Variants in PRELID2 observed in about 807,000 individuals in gnomAD.
PRELID2 encodes the protein PRELI domain-containing protein 2.
Under a neutral mutation model 28.4 loss-of-function variants are expected in PRELID2, and 25 were observed. The ratio of observed to expected loss-of-function variants is 0.88; its 90% CI spans 0.64 to 1.23. The LOEUF is 1.23. Among genes scored for constraint, PRELID2 ranks in the 50% most tolerant of loss-of-function variants. PRELID2 has a pLI of 0.00. For synonymous variants in PRELID2, 76 were observed against 71.6 expected (o/e 1.06, Z -0.31); for missense variants, 201 against 214.4 (o/e 0.94, Z 0.39).
At chr5:145,806,453 T>G (rs1271322272) in intron 4 of PRELID2, among the ~76,000 whole-genome samples, 1 of 152,190 alleles carries the variant, frequency 6.6e-6, no homozygotes, top group African/African-American at 2.4e-5. Flanking sequence ...ATAACACACA[T>G]GAAGCTGCCA....
At chr5:145,286,681 A>C in the PRELID2 span, among the ~76,000 whole-genome samples, 2 of 151,084 alleles carry the variant, frequency 1.3e-5, no homozygotes, top group Non-Finnish European at 2.9e-5. Flanking sequence ...ATGAGATTTG[A>C]CTGCCAACAT....
chr5:145,574,094 C>T (rs920781492), intron 1 of PRELID2, among the ~76,000 whole-genome samples: 46 of 152,094 alleles, frequency 3.0e-4, no homozygotes, highest in Non-Finnish European at 7.4e-5. Flanking sequence ...CCAATGCAAT[C>T]ACAGGATCCT....
intron 1 of PRELID2, among the ~76,000 whole-genome samples, chr5:145,556,662 G>A (rs1752882320): frequency 6.6e-6 from 1 of 152,088 alleles, no homozygotes; most frequent in Non-Finnish European, 1.5e-5. Flanking sequence ...ATTGCATTTG[G>A]TATAAAGATC....
chr5:145,503,750 C>T (rs1752380683), intron 1 of PRELID2, among the ~76,000 whole-genome samples: 1 of 152,112 alleles, frequency 6.6e-6, no homozygotes, highest in Non-Finnish European at 1.5e-5. Context: ...GACTTTGCAG[C>T]TTTTAATATG....
intron 1 of PRELID2, among the ~76,000 whole-genome samples, chr5:145,649,516 T>G (rs527687386): frequency 6.6e-6 from 1 of 152,306 alleles, no homozygotes; most frequent in East Asian, 1.9e-4. Context: ...TTTATGATAT[T>G]TTTAACTTAT....
At chr5:145,229,300 G>A in the PRELID2 span, 1 of 749,216 alleles carries the variant, frequency 1.3e-6, no homozygotes, top group Non-Finnish European at 2.5e-6. Flanking sequence ...GTGACCTGAT[G>A]GAATATGCAA....
chr5:145,648,276 A>C (rs1168361671), intron 1 of PRELID2, among the ~76,000 whole-genome samples: 1 of 152,192 alleles, frequency 6.6e-6, no homozygotes, highest in East Asian at 1.9e-4. Context: ...AAATGCTGGA[A>C]GTTTTTAAAG....
intron 4 of PRELID2, among the ~76,000 whole-genome samples, chr5:145,799,042 A>ATATATATATATATATATATAT (rs1752957457): frequency 6.6e-6 from 1 of 150,382 alleles, no homozygotes; most frequent in African/African-American, 2.4e-5. Flanking sequence ...ATATATATAT[A>ATATATATATATATATATATAT]AAAGACTCAC....
intron 1 of PRELID2, among the ~76,000 whole-genome samples, chr5:145,594,414 T>C (rs931339559): frequency 2.6e-5 from 4 of 152,172 alleles, no homozygotes; most frequent in African/African-American, 9.7e-5. Context: ...TTTTTACTAA[T>C]TATAGAAATG....
At chr5:145,672,531 G>A (rs1366672188) in intron 1 of PRELID2, among the ~76,000 whole-genome samples, 1 of 149,210 alleles carries the variant, frequency 6.7e-6, no homozygotes, top group Non-Finnish European at 1.5e-5. Context: ...CACTTCAAAT[G>A]ATGAGAGCCT....
At chr5:145,704,997 G>A (rs1247955128) in intron 1 of PRELID2, among the ~76,000 whole-genome samples, 1 of 152,156 alleles carries the variant, frequency 6.6e-6, no homozygotes, top group Non-Finnish European at 1.5e-5. Flanking sequence ...TATTTTTAAA[G>A]TCAGTCTTTC....
At chr5:145,709,385 T>A (rs941722227) in intron 1 of PRELID2, among the ~76,000 whole-genome samples, 3 of 152,106 alleles carry the variant, frequency 2.0e-5, no homozygotes, top group African/African-American at 7.2e-5. Context: ...ACTTGTGGAG[T>A]TTCTGACTTT....
At chr5:145,397,249 C>G in the PRELID2 span, among the ~76,000 whole-genome samples, 11 of 152,098 alleles carry the variant, frequency 7.2e-5, no homozygotes, top group African/African-American at 2.4e-4. Flanking sequence ...CAGATGACTT[C>G]AGACATTTCA....
rs76563473 is a variant in PRELID2 at position 145,678,138 on chromosome 5, G to C, written n.70+86793C>G. On this transcript the variant is annotated intron_variant and non_coding_transcript_variant, in intron 1 of 2. Coordinates refer to the PRELID2 transcript ENST00000510259. Reference sequence around the variant, plus strand: ...AATCCAGGCAAAAACTTGATGCTGAGGGTAAAGAGGCTTGGGTTGTTCTGA... The same window carrying C: ...AATCCAGGCAAAAACTTGATGCTGACGGTAAAGAGGCTTGGGTTGTTCTGA... 1.6e-4 allele frequency among the ~76,000 whole-genome samples: 25 copies of C among 152,324 alleles called. No individual in the cohort carries two copies. In the East Asian group the frequency reaches 4.8e-3, roughly 29 times the overall value.
chr5:145,831,602 C>T (rs1424613958), intron 1 of PRELID2, among the ~76,000 whole-genome samples: 1 of 152,286 alleles, frequency 6.6e-6, no homozygotes, highest in Admixed American at 6.5e-5. Flanking sequence ...GAAATAGTCA[C>T]ATAGTTCCTC....
chr5:145,683,727 T>C (rs1185282054), intron 1 of PRELID2, among the ~76,000 whole-genome samples: 5 of 152,150 alleles, frequency 3.3e-5, no homozygotes, highest in Non-Finnish European at 7.4e-5. Flanking sequence ...TACTGGAGTT[T>C]AGGGCTTCAA....
intron 1 of PRELID2, among the ~76,000 whole-genome samples, chr5:145,641,723 T>TTC: frequency 6.6e-6 from 1 of 152,338 alleles, no homozygotes; most frequent in East Asian, 1.9e-4. Flanking sequence ...TGTTCCTGTG[T>TTC]TCTCATTGTT....
chr5:145,591,075 T>C (rs1368240738), intron 1 of PRELID2, among the ~76,000 whole-genome samples: 1 of 152,084 alleles, frequency 6.6e-6, no homozygotes, highest in Non-Finnish European at 1.5e-5. Flanking sequence ...GTAGGAGGAT[T>C]GCTTGAGCCC....
chr5:145,337,063 G>A, the PRELID2 span, among the ~76,000 whole-genome samples: 3 of 151,498 alleles, frequency 2.0e-5, no homozygotes, highest in East Asian at 5.9e-4. Flanking sequence ...GTATACATAT[G>A]TAACTAACCT....
Sources: allele counts gnomAD v4.1 joint callset (sites outside exome capture counted in the v4.1 genomes callset), GRCh38; gene constraint gnomAD v4.1.1; transcripts MANE v1.5; gene names NCBI Gene and HGNC (gene_info 2026-07-23, HGNC 2026-07-21).